NKAIN3: variants seen among roughly 807,000 people sequenced by gnomAD.
NKAIN3 encodes sodium/potassium transporting ATPase interacting 3, also known as sodium/potassium-transporting ATPase subunit beta-1-interacting protein 3.
In NKAIN3, 25 loss-of-function variants were observed where a neutral mutation model predicts 30.2. That is an observed-to-expected ratio of 0.83 (90% confidence interval 0.60 to 1.16). The LOEUF is 1.16. Ranked by LOEUF, NKAIN3 falls within the 50% of genes most tolerant of loss-of-function variation. NKAIN3 has a pLI of 0.00. For missense variants in NKAIN3, 225 were observed against 254.1 expected, an observed-to-expected ratio of 0.89 and a Z score of 0.78; for synonymous variants, 91 against 89.6, an observed-to-expected ratio of 1.02 and a Z score of -0.09.
intron 1 of NKAIN3, among the ~76,000 whole-genome samples, chr8:62,548,883 TA>T (rs753500360): frequency 8.0e-6 from 1 of 124,312 alleles, no homozygotes; most frequent in Non-Finnish European, 1.7e-5. Flanking sequence ...GATTATTATT[TA>T]ACTTCTTTAT....
At chr8:62,855,402 C>T in intron 4 of NKAIN3, 1 of 874,148 alleles carries the variant, frequency 1.1e-6, no homozygotes. Flanking sequence ...CCCAGCATGC[C>T]CTTGCTGATA....
chr8:62,394,961 G>T (rs1054174021), intron 1 of NKAIN3, among the ~76,000 whole-genome samples: 2 of 149,768 alleles, frequency 1.3e-5, no homozygotes, highest in East Asian at 2.0e-4. Flanking sequence ...AAGCAGAGGC[G>T]CTCCTCACTT....
chr8:62,925,008 G>C (rs1822395466), intron 5 of NKAIN3, among the ~76,000 whole-genome samples: 3 of 152,108 alleles, frequency 2.0e-5, no homozygotes, highest in Non-Finnish European at 4.4e-5. Flanking sequence ...GAATTGGTGG[G>C]GGTGGGAGGG....
intron 1 of NKAIN3, among the ~76,000 whole-genome samples, chr8:62,425,570 A>G (rs947276551): frequency 1.3e-5 from 2 of 151,914 alleles, no homozygotes; most frequent in African/African-American, 4.8e-5. Flanking sequence ...TTGTGGAATT[A>G]AATTTGCTGT....
intron 3 of NKAIN3, among the ~76,000 whole-genome samples, chr8:62,685,731 A>G (rs1399928896): frequency 6.6e-6 from 1 of 152,226 alleles, no homozygotes; most frequent in African/African-American, 2.4e-5. Flanking sequence ...GCAAAAGTGT[A>G]CATATGAACA....
intron 2 of NKAIN3, among the ~76,000 whole-genome samples, chr8:62,580,034 A>G (rs1166501939): frequency 6.6e-6 from 1 of 152,218 alleles, no homozygotes; most frequent in African/African-American, 2.4e-5. Context: ...TTAATTTATC[A>G]TAACTTTCAG....
At chr8:62,463,932 G>C (rs531070536) in intron 1 of NKAIN3, among the ~76,000 whole-genome samples, 1 of 152,062 alleles carries the variant, frequency 6.6e-6, no homozygotes, top group South Asian at 2.1e-4. Flanking sequence ...ACTGTGAAAG[G>C]TGAAACTACA....
chr8:62,720,390 A>C (rs1815050325), intron 3 of NKAIN3, among the ~76,000 whole-genome samples: 1 of 152,228 alleles, frequency 6.6e-6, no homozygotes, highest in Admixed American at 6.5e-5. Flanking sequence ...ATTTCAGAGC[A>C]GAATTCATGG....
At chr8:62,480,506 A>G (rs34752672) in intron 1 of NKAIN3, among the ~76,000 whole-genome samples, 2 of 149,686 alleles carry the variant, frequency 1.3e-5, no homozygotes, top group African/African-American at 2.5e-5. Context: ...TAACTTGGCT[A>G]GTTAGGAAGG....
intron 1 of NKAIN3, among the ~76,000 whole-genome samples, chr8:62,332,553 G>T (rs554677477): frequency 6.6e-6 from 1 of 152,024 alleles, no homozygotes. Context: ...TGAGTGACAT[G>T]GATAATAATG....
intron 5 of NKAIN3, among the ~76,000 whole-genome samples, chr8:62,996,366 A>T (rs1407267891): frequency 1.3e-5 from 2 of 151,010 alleles, no homozygotes; most frequent in African/African-American, 4.8e-5. Flanking sequence ...GCATGGCGAA[A>T]CCACCTCCAT....
At chr8:62,418,685 C>T (rs539833530) in intron 1 of NKAIN3, among the ~76,000 whole-genome samples, 1 of 152,144 alleles carries the variant, frequency 6.6e-6, no homozygotes, top group South Asian at 2.1e-4. Flanking sequence ...GACGTGGTTA[C>T]TACATTCTCA....
chr8:62,598,998 G>T (rs1810915403), intron 3 of NKAIN3, among the ~76,000 whole-genome samples: 1 of 152,018 alleles, frequency 6.6e-6, no homozygotes, highest in Non-Finnish European at 1.5e-5. Flanking sequence ...GATTCCATAA[G>T]CTGGGAAAAA....
At chr8:62,718,000 C>A (rs1316545670) in intron 3 of NKAIN3, among the ~76,000 whole-genome samples, 1 of 152,150 alleles carries the variant, frequency 6.6e-6, no homozygotes, top group Non-Finnish European at 1.5e-5. Context: ...TAGGGAAATT[C>A]TCACAATCAT....
At chr8:62,364,851 A>AAAAAAAAAAAAAAC in intron 1 of NKAIN3, among the ~76,000 whole-genome samples, 1 of 150,802 alleles carries the variant, frequency 6.6e-6, no homozygotes, top group Non-Finnish European at 1.5e-5. Flanking sequence ...AAAAAAAAAA[A>AAAAAAAAAAAAAAC]TCATCTATGG....
intron 4 of NKAIN3, among the ~76,000 whole-genome samples, chr8:62,894,456 G>T (rs2130828815): frequency 6.6e-6 from 1 of 152,056 alleles, no homozygotes; most frequent in South Asian, 2.1e-4. Flanking sequence ...TTTGTGTTTT[G>T]TTGTTATTGT....
intron 1 of NKAIN3, among the ~76,000 whole-genome samples, chr8:62,428,887 G>GA (rs147169049): frequency 7.9e-5 from 12 of 151,698 alleles, no homozygotes; most frequent in Admixed American, 2.6e-4. Context: ...AGGTCTTACA[G>GA]AAAAAAATAT....
At chr8:62,589,482 CT>C (rs754091516) in intron 2 of NKAIN3, among the ~76,000 whole-genome samples, 5 of 151,676 alleles carry the variant, frequency 3.3e-5, no homozygotes, top group Admixed American at 6.6e-5. Context: ...CAGCAAAGCA[CT>C]TTAAAAGTAA....
At chr8:62,675,687 C>A (rs1222621225) in intron 3 of NKAIN3, among the ~76,000 whole-genome samples, 1 of 152,130 alleles carries the variant, frequency 6.6e-6, no homozygotes, top group East Asian at 1.9e-4. Context: ...CTGCAAGGTA[C>A]ACTTTCAGGA....
Sources: allele counts gnomAD v4.1 joint callset (sites outside exome capture counted in the v4.1 genomes callset), GRCh38; gene constraint gnomAD v4.1.1; transcripts MANE v1.5; gene names NCBI Gene and HGNC (gene_info 2026-07-23, HGNC 2026-07-21).